Variants in RING1 observed in about 807,000 individuals in gnomAD.
The protein encoded by RING1 is E3 ubiquitin-protein ligase RING1.
RING1 carries 8 observed loss-of-function variants against 35.0 expected under a neutral mutation model. The observed-to-expected ratio is 0.23, with a 90% CI of 0.13 to 0.41. The LOEUF (loss-of-function observed/expected upper bound fraction) is 0.41. Ranked by LOEUF, RING1 falls within the 10% of genes least tolerant of loss-of-function variation. The pLI, the probability that RING1 is intolerant of heterozygous loss-of-function variation, is 1.00. For missense variants in RING1, 343 were observed against 546.8 expected (o/e 0.63, Z 3.72); for synonymous variants, 214 against 224.3 (o/e 0.95, Z 0.41).
Position 33,209,114 on chromosome 6 carries a change from C to A in RING1, c.78+214C>A. 1 of 700,936 alleles carries A rather than the reference C, an allele frequency of 1.4e-6. No individual in the cohort carries two copies. Among genetic ancestry groups the A allele is most frequent in the Non-Finnish European group, 2.6e-6 (1 of 384,162 alleles). 43.4% of individuals were successfully genotyped at this position (700,936 alleles called of 1,614,324 possible). On this transcript the variant is annotated intron_variant, in intron 2 of 6. Coordinates refer to ENST00000374656, the MANE Select transcript of RING1 (RefSeq NM_002931.4). This position sits in a 1 kb window ranked among gnomAD's most constrained non-coding sequence, Gnocchi z 5.1. ...GAGGTGGAACAAGTATTATTATCTTCATTTGAAAGATCACAAACACAAAAA... is the reference window on the plus strand; with the variant it reads ...GAGGTGGAACAAGTATTATTATCTTAATTTGAAAGATCACAAACACAAAAA...
chr6:33,210,441 A>G (rs1341997880), intron 4 of RING1, among the ~76,000 whole-genome samples: 9 of 152,030 alleles, frequency 5.9e-5, no homozygotes, highest in Admixed American at 5.9e-4. Context: ...TCTCTACAAC[A>G]AATTAAACAT....
In RING1 at chr6:33,209,951, G is replaced by A. The variant is rs767181284; in HGVS notation, c.276G>A (p.Val92=). 1.2e-5 allele frequency: 20 copies of A among 1,614,058 alleles called. No individual in the cohort carries two copies. Among genetic ancestry groups the A allele is most frequent in the Admixed American group, 1.7e-5 (1 of 60,002 alleles). ...GTCCTACCTGCCGAAAGAAGCTGGT[G>A]TCCAAGCGATCCCTACGGCCAGACC... ...KECPTCRKKL[V]SKRSLRPDPN... Residue 92 remains valine, a synonymous_variant, in exon 4 of 7, where the codon GTG becomes GTA. Transcript: ENST00000374656. The surrounding 1 kb of genome is among the most constrained non-coding windows in gnomAD (Gnocchi z 5.1).
rs1304431644 is a variant in RING1, at chr6:33,208,688, G to A, written c.-59+44G>A. 8.7e-6 allele frequency: 6 copies of A among 693,190 alleles called. No homozygotes were observed. Among genetic ancestry groups the A allele is most frequent in the Admixed American group, 3.3e-5 (1 of 29,934 alleles). 42.9% of individuals were successfully genotyped at this position (693,190 alleles called of 1,614,324 possible). ...GCGGGGGCGGGAGCGGGGGCGGAGA[G>A]GGGCGCTTCTGGAGGGGCGGGGTCT... On this transcript the variant is annotated intron_variant, in intron 1 of 6. Transcript: ENST00000374656. This position sits in a 1 kb window ranked among gnomAD's most constrained non-coding sequence, Gnocchi z 6.2.
intron 4 of RING1, among the ~76,000 whole-genome samples, chr6:33,210,933 C>T (rs1031938486): frequency 3.9e-5 from 6 of 152,150 alleles, no homozygotes; most frequent in African/African-American, 1.4e-4. Context: ...CCTCAGTTTC[C>T]TCAGCCATAA....
chr6:33,211,142 C>G lies in RING1; in HGVS notation c.456-16C>G. ...TATCCTGGATGCCTTCTAACCTTAA[C>G]CACTTGCTTCTACAGGGCCCAGCGT... On this transcript the variant is annotated splice_polypyrimidine_tract_variant and intron_variant, in intron 4 of 6. Transcript: ENST00000374656. The surrounding 1 kb of genome is among the most constrained non-coding windows in gnomAD (Gnocchi z 6.3). 6.4e-7 allele frequency: 1 copy of G among 1,573,810 alleles called. No individual in the cohort carries two copies. Among genetic ancestry groups the G allele is most frequent in the Admixed American group, 1.8e-5 (1 of 56,714 alleles).
At chr6:33,210,496 G>C (rs1002260040) in intron 4 of RING1, among the ~76,000 whole-genome samples, 2 of 152,142 alleles carry the variant, frequency 1.3e-5, no homozygotes, top group Non-Finnish European at 1.5e-5. Flanking sequence ...ACCTTCTTGG[G>C]AGGCTGAGGT....
chr6:33,211,961 C>A lies in RING1; in HGVS notation c.1078C>A (p.Gln360Lys). The A allele has an allele frequency of 1.3e-6, 2 of 1,582,312 alleles. No homozygotes were observed. The highest frequency in any genetic ancestry group is 1.7e-6 in the Non-Finnish European group (2 of 1,163,736). ...LPSLEGVSEK[Q>K]YTIYIAPGGG... ...CAGCCTGGAGGGCGTCAGTGAAAAGCAGTACACCATCTACATCGCACCTGG... is the reference window on the plus strand; with the variant it reads ...CAGCCTGGAGGGCGTCAGTGAAAAGAAGTACACCATCTACATCGCACCTGG... Residue 360 changes from glutamine to lysine, a missense_variant, in exon 6 of 7, where the codon CAG (glutamine) becomes AAG (lysine). Coordinates refer to ENST00000374656, the MANE Select transcript of RING1 (RefSeq NM_002931.4). This position sits in a 1 kb window ranked among gnomAD's most constrained non-coding sequence, Gnocchi z 6.3.
In RING1 at chr6:33,211,017, T is replaced by C. The variant is rs1363816153; in HGVS notation, c.456-141T>C. The C allele has an allele frequency of 1.1e-6, 1 of 905,874 alleles. No individual in the cohort carries two copies. Among genetic ancestry groups the C allele is most frequent in the Non-Finnish European group, 1.6e-6 (1 of 608,614 alleles). The allele number at this position is 905,874 out of a possible 1,614,324, so 56.1% of individuals were successfully genotyped here. The stretch of plus-strand genomic sequence containing the variant: ...AAGGGGATTGGTGCAAAACACTTAG[T>C]ATACTGAGTGCTTAGCACATTGTGT... On this transcript the variant is annotated intron_variant, in intron 4 of 6. Transcript: ENST00000374656. This position sits in a 1 kb window ranked among gnomAD's most constrained non-coding sequence, Gnocchi z 6.3.
rs926402845 is a variant in RING1 at position 33,209,503 on chromosome 6, TC to T, written c.79-121del. 1.1e-6 allele frequency: 1 copy of T among 913,890 alleles called. No individual in the cohort carries two copies. Among genetic ancestry groups the T allele is most frequent in the Admixed American group, 2.3e-5 (1 of 42,632 alleles). 56.6% of individuals were successfully genotyped at this position (913,890 alleles called of 1,614,324 possible). ...CCTTCTCTTTCTCAGAATTCTTGTC[TC>T]CTATAGAGACCAACATGGGTCTTCT... On this transcript the variant is annotated intron_variant, in intron 2 of 6. Transcript: ENST00000374656. The surrounding 1 kb of genome is among the most constrained non-coding windows in gnomAD (Gnocchi z 5.1).
Position 33,209,686 on chromosome 6 carries a change from A to G in RING1, c.139A>G (p.Met47Val), listed in dbSNP as rs1302050512. 4 of 1,613,092 alleles carry G rather than the reference A, an allele frequency of 2.5e-6. No homozygotes were observed. The highest frequency in any genetic ancestry group is 3.4e-6 in the Non-Finnish European group (4 of 1,180,018). ...VSPRSLHSEL[M>V]CPICLDMLKN... is the part of the protein sequence containing the mutation. The stretch of plus-strand genomic sequence containing the variant: ...CCCTCGGTCACTGCATTCAGAACTC[A>G]TGTGCCCTATCTGCCTGGACATGCT... Residue 47 changes from methionine (M) to valine (V), a missense_variant, in exon 3 of 7, where the codon ATG becomes GTG. Around this residue, in one of 2 missense-constraint regions of RING1, gnomAD observed 65 missense variants for 163.3 expected, o/e 0.40. Coordinates refer to ENST00000374656, the MANE Select transcript of RING1 (RefSeq NM_002931.4). This position sits in a 1 kb window ranked among gnomAD's most constrained non-coding sequence, Gnocchi z 5.1.
Position 33,209,515 on chromosome 6 carries a change from C to T in RING1, c.79-111C>T. 9.4e-7 allele frequency: 1 copy of T among 1,061,950 alleles called. No individual in the cohort carries two copies. Among genetic ancestry groups the T allele is most frequent in the Non-Finnish European group, 1.4e-6 (1 of 723,828 alleles). The allele number at this position is 1,061,950 out of a possible 1,614,324, so 65.8% of individuals were successfully genotyped here. The stretch of plus-strand genomic sequence containing the variant: ...CAGAATTCTTGTCTCCTATAGAGAC[C>T]AACATGGGTCTTCTCACTGTATTTC... On this transcript the variant is annotated intron_variant, in intron 2 of 6. Transcript: ENST00000374656. This position sits in a 1 kb window ranked among gnomAD's most constrained non-coding sequence, Gnocchi z 5.1.
At position 33,208,944 on chromosome 6, in the gene RING1, C is replaced by T. The variant is rs779651653; in HGVS notation, c.78+44C>T. ...TTCAGGCTTACCCCCTCCCCCAAACCCTTATATCCACAGACCGCATCACAC... is the reference window on the plus strand; with the variant it reads ...TTCAGGCTTACCCCCTCCCCCAAACTCTTATATCCACAGACCGCATCACAC... On this transcript the variant is annotated intron_variant, in intron 2 of 6. Coordinates refer to ENST00000374656, the MANE Select transcript of RING1 (RefSeq NM_002931.4). The surrounding 1 kb of genome is among the most constrained non-coding windows in gnomAD (Gnocchi z 6.2). 1.3e-6 allele frequency: 2 copies of T among 1,489,962 alleles called. No individual in the cohort carries two copies. The highest frequency in any genetic ancestry group is 1.9e-6 in the Non-Finnish European group (2 of 1,076,424). The allele number at this position is 1,489,962 out of a possible 1,614,324, so 92.3% of individuals were successfully genotyped here.
Position 33,210,026 on chromosome 6 carries a change from C to T in RING1, c.351C>T (p.Tyr117=), listed in dbSNP as rs369175859. ...AGATCTATCCTAGCCGGGAGGAATA[C>T]GAGGCCCATCAAGACCGAGTGCTTA... is the stretch of plus-strand genomic sequence containing the variant. ...ISKIYPSREE[Y]EAHQDRVLIR... The change falls in exon 4 of 7, where the codon TAC becomes TAT. Residue 117 remains tyrosine, a synonymous_variant. Coordinates refer to ENST00000374656, the MANE Select transcript of RING1 (RefSeq NM_002931.4). 17 of 1,614,090 alleles carry T rather than the reference C, an allele frequency of 1.1e-5. No individual in the cohort carries two copies. Among genetic ancestry groups the T allele is most frequent in the Admixed American group, 1.7e-5 (1 of 60,008 alleles).
chr6:33,211,518 C>T lies in RING1; in HGVS notation c.816C>T (p.Leu272=), dbSNP rs766418741. ...IELVFRPHPL[L]VEKGEYCQTR... is the part of the protein sequence containing the mutation. ...TCGTGTTCCGGCCCCACCCCCTGCT[C>T]GTGGAGAAGGGAGAATACTGCCAGA... The change falls in exon 5 of 7, where the codon CTC becomes CTT. Residue 272 remains leucine, a synonymous_variant. Coordinates refer to ENST00000374656, the MANE Select transcript of RING1 (RefSeq NM_002931.4). This position sits in a 1 kb window ranked among gnomAD's most constrained non-coding sequence, Gnocchi z 6.3. 1.7e-5 allele frequency: 27 copies of T among 1,612,110 alleles called. No individual in the cohort carries two copies. The highest frequency in any genetic ancestry group is 1.6e-4 in the Middle Eastern group (1 of 6,078).
rs771937263 is a variant in RING1, at chr6:33,211,215, GGGGGAAGGAGAGCCC to G, written c.519_533del (p.Pro176_Glu180del). On this transcript the variant is annotated inframe_deletion, in exon 5 of 7. Transcript: ENST00000374656. This position sits in a 1 kb window ranked among gnomAD's most constrained non-coding sequence, Gnocchi z 6.3. Reference sequence around the variant, plus strand: ...CAGATCAGACCACAACGATGAGTGGGGGGGAAGGAGAGCCCGGGGAGGGAGAAGGGGATGGAGAAG... The same window carrying G: ...CAGATCAGACCACAACGATGAGTGGGGGGGAGGGAGAAGGGGATGGAGAAG... 2.2e-5 allele frequency: 36 copies of G among 1,612,958 alleles called. No homozygotes were observed. The South Asian group carries it at 3.6e-4, about 16-fold the overall frequency.
At chr6:33,212,255 TTCCTC>T (rs1171848971) in intron 6 of RING1, 38 bp from the exon 7 acceptor site, 5 of 1,351,144 alleles carry the variant, frequency 3.7e-6, no homozygotes, top group African/African-American at 2.9e-5. Context: ...TTCTCCAACT[TTCCTC>T]TCTCTTTTCC....
chr6:33,211,082 C>T lies in RING1; in HGVS notation c.456-76C>T, dbSNP rs117787041. 2,698 of 1,456,022 alleles carry T rather than the reference C, an allele frequency of 1.9e-3. 192 individuals are homozygous for T. The East Asian group carries it at 0.029, about 16-fold the overall frequency. 90.2% of individuals were successfully genotyped at this position (1,456,022 alleles called of 1,614,324 possible). A position where few individuals can be genotyped will look rare whatever the true frequency, so the allele number is the denominator to read the frequency against. ...GTATCGTCATTAGGATTTTTCTTATCTCTTAATTCTCTGAAGTTTAAAGTC... is the reference window on the plus strand; with the variant it reads ...GTATCGTCATTAGGATTTTTCTTATTTCTTAATTCTCTGAAGTTTAAAGTC... On this transcript the variant is annotated intron_variant, in intron 4 of 6. Transcript: ENST00000374656. This position sits in a 1 kb window ranked among gnomAD's most constrained non-coding sequence, Gnocchi z 6.3.
Position 33,211,789 on chromosome 6 carries a change from C to T in RING1, c.906C>T (p.Arg302=). The T allele has an allele frequency of 1.3e-6, 2 of 1,596,568 alleles. No individual in the cohort carries two copies. The highest frequency in any genetic ancestry group is 1.7e-6 in the Non-Finnish European group (2 of 1,170,592). Residue 302 remains arginine (R), a synonymous_variant, in exon 6 of 7, where the codon CGC becomes CGT. Transcript: ENST00000374656. The surrounding 1 kb of genome is among the most constrained non-coding windows in gnomAD (Gnocchi z 6.3). ...ACCTCTCCAAGTACTTGGCCCTGCG[C>T]ATTGCCCTCGAGCGGAGGCAACAGC... The part of the protein sequence containing the change: ...VDHLSKYLAL[R]IALERRQQQE...
At position 33,209,602 on chromosome 6, in the gene RING1, C is replaced by G; in HGVS notation, c.79-24C>G. 1 of 1,607,796 alleles carries G rather than the reference C, an allele frequency of 6.2e-7. No individual in the cohort carries two copies. Among genetic ancestry groups the G allele is most frequent in the Non-Finnish European group, 8.5e-7 (1 of 1,176,052 alleles). On this transcript the variant is annotated intron_variant, in intron 2 of 6. Transcript: ENST00000374656. This position sits in a 1 kb window ranked among gnomAD's most constrained non-coding sequence, Gnocchi z 5.1. Reference sequence around the variant, plus strand: ...CCCCTTTCCCTCTAACCCACACCACCTTTCTACTCACTGATGCCTTCAGGA... The same window carrying G: ...CCCCTTTCCCTCTAACCCACACCACGTTTCTACTCACTGATGCCTTCAGGA...
Sources: gnomAD v4.1 joint callset for allele counts (sites outside exome capture counted in the v4.1 genomes callset) on GRCh38, gnomAD v4.1.1 for gene constraint, gnomAD v4.1.1 regional missense constraint, Gnocchi (gnomAD v3.1) non-coding constraint, MANE v1.5 for transcripts, NCBI Gene and HGNC (gene_info 2026-07-23, HGNC 2026-07-21) for gene names.